NADSYN1: variants seen among roughly 807,000 people sequenced by gnomAD.
NADSYN1 encodes the protein glutamine-dependent NAD(+) synthetase.
NADSYN1 carries 80 observed loss-of-function variants against 99.3 expected under a neutral mutation model. The observed-to-expected ratio is 0.81, with a 90% CI of 0.67 to 0.97. The LOEUF (loss-of-function observed/expected upper bound fraction) is 0.97. Among genes scored for constraint, NADSYN1 ranks in the 50% least tolerant of loss-of-function variants. The pLI, the probability that NADSYN1 is intolerant of heterozygous loss-of-function variation, is 0.00. For synonymous variants in NADSYN1, 385 were observed against 372.1 expected (o/e 1.03, Z -0.40); for missense variants, 859 against 948.5 (o/e 0.91, Z 1.24).
chr11:71,454,129 G>C (rs2120380719), intron 1 of NADSYN1, among the ~76,000 whole-genome samples: 1 of 152,364 alleles, frequency 6.6e-6, no homozygotes, highest in South Asian at 2.1e-4. Context: ...CTGGTCTGCT[G>C]ACTGCAAGAG....
intron 5 of NADSYN1, among the ~76,000 whole-genome samples, chr11:71,467,912 A>G (rs1281466251): frequency 6.6e-6 from 1 of 152,228 alleles, no homozygotes; most frequent in Non-Finnish European, 1.5e-5. Context: ...ACATCTAGAA[A>G]CATTCTTGTG....
intron 16 of NADSYN1, among the ~76,000 whole-genome samples, chr11:71,490,346 G>T (rs1380224404): frequency 6.6e-6 from 1 of 152,158 alleles, no homozygotes; most frequent in African/African-American, 2.4e-5. Flanking sequence ...CACATCTCAA[G>T]TCCCCAGCTG....
intron 9 of NADSYN1, 75 bp downstream of exon 9, chr11:71,474,601 G>C (rs1443968484): frequency 6.3e-7 from 1 of 1,598,274 alleles, no homozygotes; most frequent in South Asian, 1.1e-5. Context: ...TCCCCTGTAA[G>C]CCGGGTGCTT....
chr11:71,490,502 C>T (rs974942937), intron 16 of NADSYN1, among the ~76,000 whole-genome samples: 3 of 152,172 alleles, frequency 2.0e-5, no homozygotes, highest in Admixed American at 2.0e-4. Flanking sequence ...CCCGCGGCCG[C>T]CCGGGCAGCA....
At chr11:71,458,693 C>G in intron 3 of NADSYN1, 149 bp downstream of exon 3, 1 of 626,802 alleles carries the variant, frequency 1.6e-6, no homozygotes, top group Non-Finnish European at 2.9e-6. Flanking sequence ...GGGTTTTGTT[C>G]CTATCTCAGC....
intron 16 of NADSYN1, among the ~76,000 whole-genome samples, chr11:71,489,508 C>T (rs971513249): frequency 1.2e-4 from 19 of 152,122 alleles, no homozygotes; most frequent in African/African-American, 4.6e-4. Context: ...TCAGCCCCGG[C>T]GGATTTCCCC....
intron 6 of NADSYN1, 152 bp from the exon 7 acceptor site, chr11:71,473,126 G>C (rs1005039455): frequency 4.1e-6 from 3 of 724,390 alleles, no homozygotes; most frequent in Middle Eastern, 2.4e-4. Context: ...TGTCCCATGC[G>C]CAGCCGCAGG....
intron 5 of NADSYN1, among the ~76,000 whole-genome samples, chr11:71,465,068 G>T (rs1442428808): frequency 6.6e-6 from 1 of 152,024 alleles, no homozygotes; most frequent in African/African-American, 2.4e-5. Context: ...ATTAGAGAAG[G>T]TATGAAAGTA....
rs756882546 is a variant in NADSYN1 at position 71,484,292 on chromosome 11, G to A, written c.1320-20G>A. 13 of 1,610,252 alleles carry A rather than the reference G, an allele frequency of 8.1e-6. No homozygotes were observed. The highest frequency in any genetic ancestry group is 4.0e-5 in the African/African-American group (3 of 74,886). ...CACACGTGCACATGCTGCCTTCAACGCCTATCCTTCTCCTTCCAGCCACCA... is the reference window on the plus strand; with the variant it reads ...CACACGTGCACATGCTGCCTTCAACACCTATCCTTCTCCTTCCAGCCACCA... On this transcript the variant is annotated intron_variant, in intron 14 of 20. Coordinates refer to ENST00000319023, the MANE Select transcript of NADSYN1 (RefSeq NM_018161.5).
chr11:71,460,586 G>C (rs1402582307), intron 3 of NADSYN1: 1 of 152,166 alleles, frequency 6.6e-6, no homozygotes, highest in Middle Eastern at 3.4e-3. Flanking sequence ...TTTGGGTTTT[G>C]CCTTTTGTTG....
chr11:71,497,323 A>C, intron 18 of NADSYN1, 160 bp from the exon 19 acceptor site: 1 of 794,358 alleles, frequency 1.3e-6, no homozygotes, highest in South Asian at 1.8e-5. Context: ...CTACCTCCTT[A>C]CTGGCTGACT....
chr11:71,455,223 G>C, intron 2 of NADSYN1, 53 bp downstream of exon 2: 1 of 1,481,928 alleles, frequency 6.7e-7, no homozygotes, highest in Non-Finnish European at 9.4e-7. Flanking sequence ...ACCAGCATCA[G>C]TTTTCCCCAG....
chr11:71,484,706 GGTGTAAGGATGTGCGTGCTCGAGT>G, intron 15 of NADSYN1: 1 of 489,764 alleles, frequency 2.0e-6, no homozygotes, highest in Non-Finnish European at 3.7e-6. Context: ...CAAGAGCGGG[GGTGTAAGGATGTGCGTGCTCGAGT>G]GTGTGCATGA....
At chr11:71,473,416 G>T in intron 7 of NADSYN1, 50 bp downstream of exon 7, 2 of 1,584,436 alleles carry the variant, frequency 1.3e-6, no homozygotes, top group Non-Finnish European at 1.7e-6. Context: ...ATATGGGCCA[G>T]CTGGGAGGAC....
intron 11 of NADSYN1, 190 bp downstream of exon 11, chr11:71,481,069 C>T (rs1949703849): frequency 6.5e-6 from 5 of 765,260 alleles, no homozygotes; most frequent in East Asian, 2.7e-5. Flanking sequence ...GACCCCCAGC[C>T]CTGCTGCTTC....
intron 9 of NADSYN1, chr11:71,476,244 T>C (rs1949664659): frequency 5.2e-6 from 2 of 382,266 alleles, no homozygotes; most frequent in South Asian, 3.9e-5. Context: ...TCCACTCTGC[T>C]CTTGTTGGGA....
chr11:71,461,451 CAG>C (rs1460250026), intron 3 of NADSYN1, among the ~76,000 whole-genome samples: 1 of 152,144 alleles, frequency 6.6e-6, no homozygotes, highest in Non-Finnish European at 1.5e-5. Context: ...CTTTTTGAGA[CAG>C]AGTCTCACTC....
At chr11:71,488,033 C>T (rs1949754744) in intron 16 of NADSYN1, among the ~76,000 whole-genome samples, 1 of 151,960 alleles carries the variant, frequency 6.6e-6, no homozygotes. Flanking sequence ...GCCAGTCCTT[C>T]TCTTCCTCTG....
intron 1 of NADSYN1, 110 bp downstream of exon 1, chr11:71,453,491 C>A: frequency 9.9e-7 from 1 of 1,011,060 alleles, no homozygotes; most frequent in Non-Finnish European, 1.5e-6. Flanking sequence ...AACTCTCGGC[C>A]CTGGGCATGG....
Sources: gnomAD v4.1 joint callset for allele counts (sites outside exome capture counted in the v4.1 genomes callset) on GRCh38, gnomAD v4.1.1 for gene constraint, MANE v1.5 for transcripts, NCBI Gene and HGNC (gene_info 2026-07-23, HGNC 2026-07-21) for gene names.